ZNF385D: variants seen among roughly 807,000 people sequenced by gnomAD.
The protein encoded by ZNF385D is zinc finger protein 385D.
A neutral mutation model predicts 35.8 loss-of-function variants in ZNF385D; 15 were observed. The ratio of observed to expected loss-of-function variants is 0.42; its 90% confidence interval spans 0.28 to 0.64. ZNF385D has a LOEUF of 0.64. Ranked by LOEUF, ZNF385D falls within the 30% of genes least tolerant of loss-of-function variation. The pLI, the probability that ZNF385D is intolerant of heterozygous loss-of-function variation, is 0.23. For missense variants in ZNF385D, 474 were observed against 494.6 expected, an observed-to-expected ratio of 0.96 and a Z score of 0.39; for synonymous variants, 212 against 186.8, an observed-to-expected ratio of 1.13 and a Z score of -1.10.
chr3:21,679,160 C>T (rs998907791), intron 1 of ZNF385D, among the ~76,000 whole-genome samples: 3 of 152,004 alleles, frequency 2.0e-5, no homozygotes, highest in Admixed American at 6.6e-5. Flanking sequence ...ACAGCTATTT[C>T]GGTTCTCCTT....
chr3:21,579,182 C>A (rs1474721309), intron 2 of ZNF385D: 1 of 152,078 alleles, frequency 6.6e-6, no homozygotes, highest in Non-Finnish European at 1.5e-5. Context: ...GGTTATTAAC[C>A]CCACAGCTCC....
chr3:21,980,083 C>G (rs1694341654), intron 3 of ZNF385D, among the ~76,000 whole-genome samples: 1 of 152,068 alleles, frequency 6.6e-6, no homozygotes, highest in Admixed American at 6.6e-5. Flanking sequence ...TGATCCTTTT[C>G]TAGGTTAAGC....
chr3:22,070,396 T>G (rs1700173278), intron 3 of ZNF385D, among the ~76,000 whole-genome samples: 1 of 152,154 alleles, frequency 6.6e-6, no homozygotes, highest in Non-Finnish European at 1.5e-5. Context: ...ATTCCTAAGT[T>G]GTAAAGCTTT....
intron 2 of ZNF385D, among the ~76,000 whole-genome samples, chr3:22,285,115 G>A (rs968880073): frequency 2.6e-5 from 4 of 152,096 alleles, no homozygotes; most frequent in Non-Finnish European, 5.9e-5. Context: ...ATTGATTAGA[G>A]GTAGTATTTC....
intron 3 of ZNF385D, among the ~76,000 whole-genome samples, chr3:21,850,585 T>C (rs1575774542): frequency 6.6e-6 from 1 of 152,224 alleles, no homozygotes. Context: ...ATGATTAAGG[T>C]AAGACTTCCC....
At chr3:22,041,497 A>T (rs1460089048) in intron 3 of ZNF385D, among the ~76,000 whole-genome samples, 1 of 152,164 alleles carries the variant, frequency 6.6e-6, no homozygotes, top group Non-Finnish European at 1.5e-5. Flanking sequence ...ATTCAAAACA[A>T]TTTTTAAAAT....
At chr3:21,946,530 T>C (rs1497925) in intron 3 of ZNF385D, among the ~76,000 whole-genome samples, 39,483 of 151,906 alleles carry the variant, frequency 0.26, 5,813 homozygotes, top group Admixed American at 0.41. Context: ...TGTAACACTA[T>C]GTTAAAACTT....
At chr3:21,767,262 A>G (rs1261582155) in intron 3 of ZNF385D, among the ~76,000 whole-genome samples, 1 of 152,088 alleles carries the variant, frequency 6.6e-6, no homozygotes, top group Non-Finnish European at 1.5e-5. Flanking sequence ...TTGTGTAATC[A>G]TCCTACAAAA....
chr3:21,566,452 C>T (rs2063149954), intron 2 of ZNF385D, among the ~76,000 whole-genome samples: 1 of 152,088 alleles, frequency 6.6e-6, no homozygotes, highest in African/African-American at 2.4e-5. Context: ...ATGGTGAAAC[C>T]TTGTCTTTAC....
chr3:21,586,298 T>C (rs2063809807), intron 2 of ZNF385D, among the ~76,000 whole-genome samples: 1 of 152,172 alleles, frequency 6.6e-6, no homozygotes, highest in Non-Finnish European at 1.5e-5. Flanking sequence ...ATTACTGTTT[T>C]TATCTTGAAA....
chr3:21,688,748 C>T (rs571161812), intron 1 of ZNF385D, among the ~76,000 whole-genome samples: 1 of 152,212 alleles, frequency 6.6e-6, no homozygotes, highest in Non-Finnish European at 1.5e-5. Context: ...AAATACCAAG[C>T]TCTATAATTT....
At chr3:22,080,904 C>G (rs2593321) in intron 3 of ZNF385D, among the ~76,000 whole-genome samples, 2 of 151,954 alleles carry the variant, frequency 1.3e-5, no homozygotes, top group African/African-American at 2.4e-5. Flanking sequence ...TCACCAGACA[C>G]TGACCCTGCT....
intron 2 of ZNF385D, among the ~76,000 whole-genome samples, chr3:22,198,531 T>A (rs1328712390): frequency 6.6e-6 from 1 of 152,226 alleles, no homozygotes; most frequent in South Asian, 2.1e-4. Context: ...TCTAATATTA[T>A]TGAATTGTAG....
intron 3 of ZNF385D, among the ~76,000 whole-genome samples, chr3:21,771,244 A>AT: frequency 6.7e-6 from 1 of 149,468 alleles, no homozygotes; most frequent in Non-Finnish European, 1.5e-5. Context: ...TATAATAATA[A>AT]AAAAAAAAAC....
chr3:21,831,344 G>C (rs903207232), intron 3 of ZNF385D, among the ~76,000 whole-genome samples: 1 of 152,064 alleles, frequency 6.6e-6, no homozygotes, highest in South Asian at 2.1e-4. Flanking sequence ...TATATACAAA[G>C]TATTGTGGCA....
intron 3 of ZNF385D, among the ~76,000 whole-genome samples, chr3:21,879,376 C>T (rs1698151164): frequency 6.6e-6 from 1 of 151,978 alleles, no homozygotes; most frequent in East Asian, 1.9e-4. Flanking sequence ...TGGCTCTCAG[C>T]TACTTTTGCA....
intron 2 of ZNF385D, among the ~76,000 whole-genome samples, chr3:22,335,450 TTA>T: frequency 6.6e-6 from 1 of 152,288 alleles, no homozygotes; most frequent in Non-Finnish European, 1.5e-5. Flanking sequence ...AATCATAGAA[TTA>T]TGTCTGATTC....
intron 3 of ZNF385D, among the ~76,000 whole-genome samples, chr3:22,078,946 T>C (rs1700603624): frequency 6.6e-6 from 1 of 152,104 alleles, no homozygotes. Context: ...TTGACCTATT[T>C]TTCTTTATTT....
intron 3 of ZNF385D, among the ~76,000 whole-genome samples, chr3:21,927,149 C>T (rs1007426262): frequency 1.3e-5 from 2 of 152,106 alleles, no homozygotes; most frequent in Admixed American, 1.3e-4. Flanking sequence ...CACTGTCTTG[C>T]CCTGTAATGC....
Sources: gnomAD v4.1 joint callset for allele counts (sites outside exome capture counted in the v4.1 genomes callset) on GRCh38, gnomAD v4.1.1 for gene constraint, MANE v1.5 for transcripts, NCBI Gene and HGNC (gene_info 2026-07-23, HGNC 2026-07-21) for gene names.